Variants in PHF19 observed in about 807,000 individuals in gnomAD.
The protein encoded by PHF19 is polycomb like 3.
In PHF19, 21 loss-of-function variants were observed where a neutral mutation model predicts 79.8. The observed-to-expected ratio is 0.26, with a 90% CI of 0.19 to 0.38. The LOEUF (loss-of-function observed/expected upper bound fraction) is 0.38. Among genes scored for constraint, PHF19 ranks in the 10% least tolerant of loss-of-function variants. The pLI, the probability that PHF19 is intolerant of heterozygous loss-of-function variation, is 1.00. For missense variants in PHF19, 445 were observed against 744.2 expected (o/e 0.60, Z 4.68); for synonymous variants, 273 against 296.3 (o/e 0.92, Z 0.81).
At chr9:120,886,582 G>A (rs2046266193) in intron 1 of PHF19, among the ~76,000 whole-genome samples, 1 of 152,212 alleles carries the variant, frequency 6.6e-6, no homozygotes, top group Non-Finnish European at 1.5e-5. Context: ...ATTTAGCCAT[G>A]CACTCCTGGT....
intron 1 of PHF19, among the ~76,000 whole-genome samples, chr9:120,887,171 C>T (rs1325837305): frequency 6.6e-6 from 1 of 152,038 alleles, no homozygotes; most frequent in Admixed American, 6.6e-5. Flanking sequence ...AAACAGGTTT[C>T]TGGCTGGGTG....
chr9:120,877,050 G>C, intron 1 of PHF19, 41 bp downstream of exon 1: 1 of 985,550 alleles, frequency 1.0e-6, no homozygotes, highest in Non-Finnish European at 1.2e-6. Flanking sequence ...GCCGGGAGGG[G>C]AGAGCGTGGC....
At position 120,860,063 on chromosome 9, in the gene PHF19, T is replaced by G. The variant is rs1273064922; in HGVS notation, c.1400+27A>C. 8.1e-7 allele frequency: 1 copy of G among 1,235,426 alleles called. No homozygotes were observed. The highest frequency in any genetic ancestry group is 1.2e-6 in the Non-Finnish European group (1 of 854,018). The allele number at this position is 1,235,426 out of a possible 1,614,324, so 76.5% of individuals were successfully genotyped here. On this transcript the variant is annotated intron_variant, in intron 14 of 14. Transcript: ENST00000373896. This position sits in a 1 kb window ranked among gnomAD's most constrained non-coding sequence, Gnocchi z 4.1. ...GAGGAATGATGGTCCTTGCAAAATG[T>G]GAAGGCCAGACCTCTAGGAAGCTCA... is the stretch of plus-strand genomic sequence containing the variant.
chr9:120,867,949 G>A (rs1298396347), intron 6 of PHF19, among the ~76,000 whole-genome samples: 2 of 152,322 alleles, frequency 1.3e-5, no homozygotes, highest in African/African-American at 2.4e-5. Flanking sequence ...GGTCGGCAAG[G>A]AAGAATCAAA....
At chr9:120,889,903 T>C (rs1454525793) in intron 1 of PHF19, among the ~76,000 whole-genome samples, 1 of 152,058 alleles carries the variant, frequency 6.6e-6, no homozygotes, top group African/African-American at 2.4e-5. Context: ...GGATCTGGAC[T>C]GGACTTGGAC....
At chr9:120,892,963 G>A (rs1794153835) in intron 1 of PHF19, among the ~76,000 whole-genome samples, 1 of 152,182 alleles carries the variant, frequency 6.6e-6, no homozygotes, top group South Asian at 2.1e-4. Context: ...CAATAGCCCT[G>A]CCATTTCCTA....
chr9:120,902,118 G>T, the PHF19 span, among the ~76,000 whole-genome samples: 1 of 152,158 alleles, frequency 6.6e-6, no homozygotes. Context: ...CCCCCGAAAA[G>T]CCCATCAGAA....
intron 3 of PHF19, among the ~76,000 whole-genome samples, chr9:120,871,606 C>CT (rs1263839346): frequency 2.6e-5 from 4 of 152,122 alleles, no homozygotes; most frequent in Non-Finnish European, 5.9e-5. Context: ...CTCTCCATCT[C>CT]TTTTTTTCTT....
At chr9:120,859,192 G>A (rs967607615) in intron 14 of PHF19, among the ~76,000 whole-genome samples, 6 of 148,278 alleles carry the variant, frequency 4.0e-5, no homozygotes, top group Non-Finnish European at 3.0e-5. Context: ...AAGAGACACA[G>A]ACTCCAAGAC....
At chr9:120,876,031 G>A (rs1190036068) in intron 1 of PHF19, 1 of 152,832 alleles carries the variant, frequency 6.5e-6, no homozygotes, top group African/African-American at 2.4e-5. Flanking sequence ...TCCAGTGCCT[G>A]TTTCTGTGTG....
intron 1 of PHF19, among the ~76,000 whole-genome samples, chr9:120,882,870 G>C (rs1378748043): frequency 6.6e-6 from 1 of 150,456 alleles, no homozygotes; most frequent in Non-Finnish European, 1.5e-5. Flanking sequence ...GAAAGAAACT[G>C]CTCTACACAC....
At chr9:120,877,056 G>T in intron 1 of PHF19, 35 bp downstream of exon 1, 1 of 985,510 alleles carries the variant, frequency 1.0e-6, no homozygotes, top group Non-Finnish European at 1.2e-6. Flanking sequence ...AGGGGAGAGC[G>T]TGGCGGGGAG....
At chr9:120,876,400 G>C (rs900869715) in intron 1 of PHF19, 2 of 152,022 alleles carry the variant, frequency 1.3e-5, no homozygotes, top group Non-Finnish European at 2.9e-5. Flanking sequence ...GGAGCCGGCC[G>C]GGTCGCCGCA....
intron 1 of PHF19, among the ~76,000 whole-genome samples, chr9:120,884,736 G>T (rs895957985): frequency 7.4e-6 from 1 of 135,222 alleles, no homozygotes; most frequent in Non-Finnish European, 1.6e-5. Context: ...GGTGAAACCA[G>T]ATCTCTACCA....
chr9:120,885,984 T>C (rs531857422), intron 1 of PHF19, among the ~76,000 whole-genome samples: 1 of 152,350 alleles, frequency 6.6e-6, no homozygotes, highest in African/African-American at 2.4e-5. Flanking sequence ...CTCTCACGTC[T>C]GGCCTTTCTC....
upstream of PHF19, among the ~76,000 whole-genome samples, chr9:120,881,152 T>TG (rs2046176541): frequency 6.8e-6 from 1 of 147,952 alleles, no homozygotes; most frequent in African/African-American, 2.5e-5. Context: ...GGGGTTTGTT[T>TG]TTTTTTTTTT....
the PHF19 span, among the ~76,000 whole-genome samples, chr9:120,899,997 T>G: frequency 6.6e-6 from 1 of 152,134 alleles, no homozygotes; most frequent in Non-Finnish European, 1.5e-5. Flanking sequence ...TGACTTTTCT[T>G]TTTTTTTGAG....
intron 1 of PHF19, among the ~76,000 whole-genome samples, chr9:120,883,853 G>T (rs2046225924): frequency 6.6e-6 from 1 of 152,014 alleles, no homozygotes; most frequent in South Asian, 2.1e-4. Context: ...TTGTGGGAGG[G>T]TGTCGAGACA....
At chr9:120,898,692 T>G (rs942561209), upstream of PHF19, among the ~76,000 whole-genome samples, 1 of 152,252 alleles carries the variant, frequency 6.6e-6, no homozygotes, top group African/African-American at 2.4e-5. Flanking sequence ...TGGCATAAAC[T>G]GATCTTGGTT....
Sources: allele counts gnomAD v4.1 joint callset (sites outside exome capture counted in the v4.1 genomes callset), GRCh38; gene constraint gnomAD v4.1.1; non-coding constraint Gnocchi (gnomAD v3.1); transcripts MANE v1.5; gene names NCBI Gene and HGNC (gene_info 2026-07-23, HGNC 2026-07-21).